Variants in SH2B1 observed in about 807,000 individuals in gnomAD.
SH2B1 encodes the protein SH2B adaptor protein 1, also known as SH2B adapter protein 1.
SH2B1 carries 15 observed loss-of-function variants against 62.6 expected under a neutral mutation model. The ratio of observed to expected loss-of-function variants is 0.24; its 90% CI spans 0.16 to 0.37. SH2B1 has a LOEUF of 0.37. SH2B1 is among the 10% of genes least tolerant of loss of function. The pLI is 1.00. For synonymous variants in SH2B1, 443 were observed against 438.0 expected, an observed-to-expected ratio of 1.01 and a Z score of -0.14; for missense variants, 925 against 1,015.6, an observed-to-expected ratio of 0.91 and a Z score of 1.21.
intron 1 of SH2B1, among the ~76,000 whole-genome samples, chr16:28,848,195 T>C (rs1962027035): frequency 6.6e-6 from 1 of 151,562 alleles, no homozygotes; most frequent in African/African-American, 2.4e-5. Context: ...TCCTAGCACT[T>C]TGGGAGGCCG....
chr16:28,863,918 G>GCCGCC lies in SH2B1; in HGVS notation c.-2177_-2176insCCGCC. 1 of 1,460,166 alleles carries GCCGCC rather than the reference G, an allele frequency of 6.8e-7. No homozygotes were observed. The highest frequency in any genetic ancestry group is 2.6e-5 in the Admixed American group (1 of 37,900). The allele number at this position is 1,460,166 out of a possible 1,614,324, so 90.5% of individuals were successfully genotyped here. On this transcript the variant is annotated 5_prime_UTR_variant, in exon 1 of 8. Transcript: ENST00000684370. Reference sequence around the variant, plus strand: ...AGCCGCCGCCGCCGCCGCCGCCGCCGGAGCTAACCTCGGGGACCGAGATGC... The same window carrying GCCGCC: ...AGCCGCCGCCGCCGCCGCCGCCGCCGCCGCCGAGCTAACCTCGGGGACCGAGATGC...
chr16:28,868,840 C>T (rs1281046793), intron 2 of SH2B1, among the ~76,000 whole-genome samples, 166 bp from the exon 3 acceptor site: 3 of 152,150 alleles, frequency 2.0e-5, no homozygotes, highest in Non-Finnish European at 2.9e-5. Context: ...CTCAAGTGAT[C>T]CTCCAGAGGT....
Position 28,871,763 on chromosome 16 carries a change from G to GC in SH2B1, c.1310-14dup. Reference sequence around the variant, plus strand: ...AGGAATTTCTTGGGTTCTCAGCTTTGCCCTTTTTTTTTCCAGGGGCATATG... The same window carrying GC: ...AGGAATTTCTTGGGTTCTCAGCTTTGCCCCTTTTTTTTTCCAGGGGCATATG... On this transcript the variant is annotated splice_polypyrimidine_tract_variant and intron_variant, in intron 4 of 7. Transcript: ENST00000684370. 2 of 1,606,230 alleles carry GC rather than the reference G, an allele frequency of 1.2e-6. No individual in the cohort carries two copies.
In SH2B1 at chr16:28,867,040, C is replaced by G. The variant is rs753518196; in HGVS notation, c.939+7C>G. The G allele has an allele frequency of 5.6e-6, 9 of 1,598,692 alleles. No homozygotes were observed. In the South Asian group the frequency reaches 8.8e-5, roughly 16 times the overall value. The stretch of plus-strand genomic sequence containing the variant: ...GTTCTTTGTACCACCCAAGGTGAGG[C>G]CCCTTGGAGGGTGGGTGACTGAGAG... On this transcript the variant is annotated splice_region_variant and intron_variant, in intron 1 of 7. Transcript: ENST00000684370.
chr16:28,866,402 C>A lies in SH2B1; in HGVS notation c.308C>A (p.Pro103Gln). 6.2e-7 allele frequency: 1 copy of A among 1,613,848 alleles called. No individual in the cohort carries two copies. The highest frequency in any genetic ancestry group is 1.7e-5 in the Admixed American group (1 of 60,018). ...CTGAGCCCTGGTGCGGAGATTTCGC[C>A]ACATGACCTGTCCCTTGAGAGCTGC... ...APLSPGAEISPHDLSLESCRV... is the reference protein window; with the variant it reads ...APLSPGAEISQHDLSLESCRV... Residue 103 changes from proline (P) to glutamine (Q), a missense_variant, in exon 1 of 8, where the codon CCA (proline) becomes CAA (glutamine). Transcript: ENST00000684370. The surrounding 1 kb of genome is among the most constrained non-coding windows in gnomAD (Gnocchi z 6.3).
chr16:28,852,183 T>C lies in SH2B1; in HGVS notation c.-301+5356T>C, dbSNP rs374536212. ...GAGCAAGACTCCGTATCCAAAAATA[T>C]ATATATTTTTATTTATATATTTACA... On this transcript the variant is annotated intron_variant, in intron 1 of 10. Coordinates refer to the SH2B1 transcript ENST00000322610. 1.1e-4 allele frequency among the ~76,000 whole-genome samples: 15 copies of C among 135,812 alleles called. 2 individuals carry two copies. Among genetic ancestry groups the C allele is most frequent in the South Asian group, 6.7e-4 (3 of 4,486 alleles). 89.1% of individuals were successfully genotyped at this position (135,812 alleles called of 152,430 possible). A position where few individuals can be genotyped will look rare whatever the true frequency, so the allele number is the denominator to read the frequency against.
In SH2B1 at chr16:28,866,500, T is replaced by C. The variant is rs1379416438; in HGVS notation, c.406T>C (p.Ser136Pro). 3.1e-6 allele frequency: 5 copies of C among 1,613,852 alleles called. No individual in the cohort carries two copies. ...GGACCTGGCCGGCCCCCTCCCTTCC[T>C]CAGTCTCTTCCTCCTCTACAACCTC... Reference protein sequence around the residue: ...SEDLAGPLPSSVSSSSTTSSK... With the variant: ...SEDLAGPLPSPVSSSSTTSSK... Residue 136 changes from serine to proline, a missense_variant, in exon 1 of 8, where the codon TCA (serine) becomes CCA (proline). Around this residue, in one of 3 missense-constraint regions of SH2B1, gnomAD observed 683 missense variants for 704.0 expected, o/e 0.97. Transcript: ENST00000684370. The surrounding 1 kb of genome is among the most constrained non-coding windows in gnomAD (Gnocchi z 6.3).
upstream of SH2B1, chr16:28,863,478 C>A: frequency 1.8e-6 from 1 of 559,612 alleles, no homozygotes. Flanking sequence ...GCGGGCCGTT[C>A]ACACAGCCTC....
chr16:28,866,003 C>T lies in SH2B1; in HGVS notation c.-92C>T, dbSNP rs1042855899. 1.1e-5 allele frequency: 16 copies of T among 1,499,468 alleles called. No individual in the cohort carries two copies. The African/African-American group carries it at 1.5e-4, about 14-fold the overall frequency. 92.9% of individuals were successfully genotyped at this position (1,499,468 alleles called of 1,614,324 possible). On this transcript the variant is annotated 5_prime_UTR_variant, in exon 1 of 8. Coordinates refer to ENST00000684370, the MANE Select transcript of SH2B1 (RefSeq NM_001387430.1). The surrounding 1 kb of genome is among the most constrained non-coding windows in gnomAD (Gnocchi z 6.3). ...GACCCTCGTGTGTGCCTCTCTCTTCCTTTCGCAGCTGCTGCCGCCCACCCC... is the reference window on the plus strand; with the variant it reads ...GACCCTCGTGTGTGCCTCTCTCTTCTTTTCGCAGCTGCTGCCGCCCACCCC...
At chr16:28,868,264 C>A (rs1043534982) in intron 2 of SH2B1, among the ~76,000 whole-genome samples, 4 of 152,094 alleles carry the variant, frequency 2.6e-5, no homozygotes, top group Non-Finnish European at 5.9e-5. Context: ...CTCAGCCTCC[C>A]GAGTAGCTGG....
chr16:28,865,895 C>T lies in SH2B1; in HGVS notation c.-200C>T. ...GAAGGGAGGTGTTGGGCTCCCTTCC[C>T]CATTGCTCTCTGCGGAGTCTGAAGT... is the stretch of plus-strand genomic sequence containing the variant. On this transcript the variant is annotated 5_prime_UTR_variant, in exon 1 of 8. Transcript: ENST00000684370. The T allele has an allele frequency of 2.9e-6, 4 of 1,376,660 alleles. No individual in the cohort carries two copies. Among genetic ancestry groups the T allele is most frequent in the South Asian group, 3.6e-5 (2 of 56,338 alleles). The allele number at this position is 1,376,660 out of a possible 1,614,324, so 85.3% of individuals were successfully genotyped here.
chr16:28,860,402 C>T (rs1962417631), upstream of SH2B1, among the ~76,000 whole-genome samples: 1 of 151,998 alleles, frequency 6.6e-6, no homozygotes, highest in Non-Finnish European at 1.5e-5. Flanking sequence ...CAGGTGCGTG[C>T]CACCACGCCT....
intron 1 of SH2B1, among the ~76,000 whole-genome samples, chr16:28,857,414 G>C (rs1163349293): frequency 1.3e-5 from 2 of 151,772 alleles, no homozygotes; most frequent in South Asian, 2.1e-4. Flanking sequence ...GTGGGGGCGG[G>C]GGGGTGAAAG....
chr16:28,864,410 G>A lies in SH2B1; in HGVS notation c.-1685G>A, dbSNP rs542633283. On this transcript the variant is annotated 5_prime_UTR_variant, in exon 1 of 8. Coordinates refer to ENST00000684370, the MANE Select transcript of SH2B1 (RefSeq NM_001387430.1). The stretch of plus-strand genomic sequence containing the variant: ...TGGGTGGGCCTGTGTGAGCCGAGGT[G>A]GCCGCTGGCTGGAGATTGGTTTGCA... The A allele has an allele frequency of 1.7e-5, 17 of 986,952 alleles. 1 individual carries two copies. In the South Asian group the frequency reaches 7.4e-4, roughly 43 times the overall value. The allele number at this position is 986,952 out of a possible 1,614,324, so 61.1% of individuals were successfully genotyped here.
At position 28,865,967 on chromosome 16, in the gene SH2B1, C is replaced by T. The variant is rs1442978252; in HGVS notation, c.-128C>T. The T allele has an allele frequency of 2.7e-6, 4 of 1,474,284 alleles. No individual in the cohort carries two copies. Among genetic ancestry groups the T allele is most frequent in the Non-Finnish European group, 3.6e-6 (4 of 1,121,214 alleles). The allele number at this position is 1,474,284 out of a possible 1,614,324, so 91.3% of individuals were successfully genotyped here. A position where few individuals can be genotyped will look rare whatever the true frequency, so the allele number is the denominator to read the frequency against. Reference sequence around the variant, plus strand: ...GGGGTGGGATGCAGCCTCCGGTGCGCCCTCAGCAGTGACCCTCGTGTGTGC... The same window carrying T: ...GGGGTGGGATGCAGCCTCCGGTGCGTCCTCAGCAGTGACCCTCGTGTGTGC... On this transcript the variant is annotated 5_prime_UTR_variant, in exon 1 of 8. Transcript: ENST00000684370.
chr16:28,863,893 AGCC>A lies in SH2B1; in HGVS notation c.-2179_-2177del, dbSNP rs55893769. 2.0e-4 allele frequency: 302 copies of A among 1,490,912 alleles called. No individual in the cohort carries two copies. Among genetic ancestry groups the A allele is most frequent in the East Asian group, 8.8e-4 (35 of 39,744 alleles). The allele number at this position is 1,490,912 out of a possible 1,614,324, so 92.4% of individuals were successfully genotyped here. A position where few individuals can be genotyped will look rare whatever the true frequency, so the allele number is the denominator to read the frequency against. Reference sequence around the variant, plus strand: ...AGTGGGTGGGGGCGCAGGGAGCGGGAGCCGCCGCCGCCGCCGCCGCCGCCGGAG... The same window carrying A: ...AGTGGGTGGGGGCGCAGGGAGCGGGAGCCGCCGCCGCCGCCGCCGCCGGAG... On this transcript the variant is annotated 5_prime_UTR_variant, in exon 1 of 8. Coordinates refer to ENST00000684370, the MANE Select transcript of SH2B1 (RefSeq NM_001387430.1).
At chr16:28,851,462 T>C (rs190584939) in intron 1 of SH2B1, among the ~76,000 whole-genome samples, 3,297 of 148,638 alleles carry the variant, frequency 0.022, 135 homozygotes, top group African/African-American at 0.077. Context: ...CTTTCTTCTT[T>C]TTTTTTTTTT....
upstream of SH2B1, chr16:28,846,637 G>T (rs1961976470): frequency 3.2e-6 from 1 of 311,920 alleles, no homozygotes; most frequent in South Asian, 3.9e-5. Flanking sequence ...GGCTGTGGAG[G>T]TGATCAGAGT....
intron 1 of SH2B1, among the ~76,000 whole-genome samples, chr16:28,855,982 T>G (rs1187429114): frequency 1.3e-5 from 2 of 148,922 alleles, no homozygotes; most frequent in African/African-American, 4.9e-5. Context: ...TTTTTACTCT[T>G]AAGAACAATG....
Sources: allele counts gnomAD v4.1 joint callset (sites outside exome capture counted in the v4.1 genomes callset), GRCh38; gene constraint gnomAD v4.1.1; regional missense constraint gnomAD v4.1.1; non-coding constraint Gnocchi (gnomAD v3.1); transcripts MANE v1.5; gene names NCBI Gene and HGNC (gene_info 2026-07-23, HGNC 2026-07-21).